Variants in FGF14 observed in about 807,000 individuals in gnomAD.
The protein encoded by FGF14 is fibroblast growth factor 14.
Under a neutral mutation model 25.5 loss-of-function variants are expected in FGF14, and 5 were observed. That is an observed-to-expected ratio of 0.20 (90% CI 0.10 to 0.41). The LOEUF (loss-of-function observed/expected upper bound fraction) is 0.41. FGF14 is among the 10% of genes least tolerant of loss of function. FGF14 has a pLI of 1.00. For synonymous variants in FGF14, 138 were observed against 118.3 expected, an observed-to-expected ratio of 1.17 and a Z score of -1.08; for missense variants, 222 against 320.1, an observed-to-expected ratio of 0.69 and a Z score of 2.34.
rs199934657 is a variant in FGF14, at chr13:102,120,766, C to T, written c.209-245470G>A. Among the ~76,000 whole-genome samples the T allele has an allele frequency of 1.1e-4, 16 of 150,284 alleles. No homozygotes were observed. In the East Asian group the frequency reaches 1.8e-3, roughly 17 times the overall value. On this transcript the variant is annotated intron_variant, in intron 1 of 4. Transcript: ENST00000376131. ...CCGCCCAGGCTGGAGTGCAGTGACACGATCTCAGCTCACTGCAACCACCAC... is the reference window on the plus strand; with the variant it reads ...CCGCCCAGGCTGGAGTGCAGTGACATGATCTCAGCTCACTGCAACCACCAC...
At chr13:102,366,642 A>AAAAAC (rs1360420600) in intron 1 of FGF14, 1 of 150,334 alleles carries the variant, frequency 6.7e-6, no homozygotes, top group African/African-American at 2.5e-5. Context: ...AAAAAAAAAA[A>AAAAAC]GCGGTTACTT....
chr13:101,889,894 T>C (rs997497032), intron 1 of FGF14, among the ~76,000 whole-genome samples: 3 of 152,208 alleles, frequency 2.0e-5, no homozygotes, highest in Admixed American at 6.6e-5. Context: ...TTCATCTTTA[T>C]TCAAATGATT....
intron 3 of FGF14, among the ~76,000 whole-genome samples, chr13:101,791,301 G>A (rs547596447): frequency 6.6e-6 from 1 of 152,234 alleles, no homozygotes; most frequent in African/African-American, 2.4e-5. Context: ...ATTTTGGGGT[G>A]TGAAGCATTG....
At chr13:102,303,796 T>C (rs770952131) in intron 1 of FGF14, among the ~76,000 whole-genome samples, 3 of 152,186 alleles carry the variant, frequency 2.0e-5, no homozygotes, top group Non-Finnish European at 4.4e-5. Flanking sequence ...ATGACCTTAG[T>C]GTACATTAAA....
chr13:101,786,108 A>G (rs2039808972), intron 3 of FGF14, among the ~76,000 whole-genome samples: 1 of 152,238 alleles, frequency 6.6e-6, no homozygotes, highest in Middle Eastern at 3.4e-3. Flanking sequence ...AACCACCACC[A>G]AAGTGCCCAC....
chr13:101,811,421 C>T (rs1442060134), intron 3 of FGF14, among the ~76,000 whole-genome samples: 1 of 152,112 alleles, frequency 6.6e-6, no homozygotes, highest in Non-Finnish European at 1.5e-5. Flanking sequence ...AACATTCTTC[C>T]ATGTCTTTTT....
intron 1 of FGF14, among the ~76,000 whole-genome samples, chr13:102,168,190 A>T (rs66481448): frequency 2.5e-4 from 38 of 152,128 alleles, no homozygotes; most frequent in African/African-American, 8.7e-4. Flanking sequence ...ATTAATAGAA[A>T]CCACGTGCTT....
At position 101,946,072 on chromosome 13, in the gene FGF14, T is replaced by C. The variant is rs74375199; in HGVS notation, c.209-70776A>G. 9.5e-3 allele frequency among the ~76,000 whole-genome samples: 1,444 copies of C among 152,334 alleles called. 24 individuals are homozygous for C. The highest frequency in any genetic ancestry group is 0.032 in the African/African-American group (1,348 of 41,562). ...TTCTCATTTCCCTTATTCAAACTAA[T>C]ATCCATGCTAATCTTTTATACCTTG... On this transcript the variant is annotated intron_variant, in intron 1 of 4. Coordinates refer to the FGF14 transcript ENST00000376131.
intron 1 of FGF14, among the ~76,000 whole-genome samples, chr13:101,939,637 T>A (rs1264948980): frequency 6.6e-6 from 1 of 152,172 alleles, no homozygotes; most frequent in East Asian, 1.9e-4. Flanking sequence ...TCTGTAAAAA[T>A]CTCACCAATG....
rs753147739 is a variant in FGF14, at chr13:102,374,644, T to A, written c.208+26827A>T. 4.6e-3 allele frequency among the ~76,000 whole-genome samples: 225 copies of A among 49,326 alleles called. 3 individuals are homozygous for A. Among genetic ancestry groups the A allele is most frequent in the Admixed American group, 0.013 (47 of 3,612 alleles). 32.4% of individuals were successfully genotyped at this position (49,326 alleles called of 152,430 possible). A position where few individuals can be genotyped will look rare whatever the true frequency, so the allele number is the denominator to read the frequency against. On this transcript the variant is annotated intron_variant, in intron 1 of 4. Transcript: ENST00000376131. ...TTTTTTAATACATATCTTACATATT[T>A]TATATATATATATATATATATATAT...
At chr13:102,358,720 G>A (rs1178837327) in intron 1 of FGF14, among the ~76,000 whole-genome samples, 17 of 152,208 alleles carry the variant, frequency 1.1e-4, no homozygotes, top group Non-Finnish European at 1.5e-5. Context: ...TGAAGATATT[G>A]GAAAGGTTGC....
At chr13:102,340,637 A>G (rs1325085490) in intron 1 of FGF14, among the ~76,000 whole-genome samples, 1 of 152,214 alleles carries the variant, frequency 6.6e-6, no homozygotes, top group Admixed American at 6.5e-5. Context: ...AACTAGAATG[A>G]CCTTTAAATA....
At chr13:102,207,645 AAG>A (rs2049989890) in intron 1 of FGF14, among the ~76,000 whole-genome samples, 1 of 150,556 alleles carries the variant, frequency 6.6e-6, no homozygotes. Context: ...AAAAAAAAAA[AAG>A]ACAGTGTTTA....
At chr13:102,074,067 C>A (rs897745176) in intron 1 of FGF14, among the ~76,000 whole-genome samples, 2 of 152,166 alleles carry the variant, frequency 1.3e-5, no homozygotes, top group African/African-American at 4.8e-5. Context: ...GTGTGGAGTA[C>A]AGTGGTGTAT....
intron 3 of FGF14, among the ~76,000 whole-genome samples, chr13:101,810,732 A>G (rs1216908783): frequency 6.6e-6 from 1 of 152,152 alleles, no homozygotes; most frequent in Non-Finnish European, 1.5e-5. Context: ...CTGATTCACA[A>G]TCCATTTCTA....
chr13:102,401,698 C>T (rs944360080), exon 1 of FGF14: 2 of 1,600,854 alleles, frequency 1.2e-6, no homozygotes, highest in Non-Finnish European at 1.7e-6. Context: ...GATAATATTC[C>T]GGATCTTCTC....
chr13:102,141,881 C>T (rs572245973), intron 1 of FGF14, among the ~76,000 whole-genome samples: 2 of 152,284 alleles, frequency 1.3e-5, no homozygotes, highest in African/African-American at 4.8e-5. Flanking sequence ...TATTTTGGAA[C>T]GGTGACTGAG....
intron 1 of FGF14, chr13:102,292,578 C>T (rs1376383220): frequency 3.9e-5 from 6 of 152,174 alleles, no homozygotes; most frequent in Non-Finnish European, 7.3e-5. Flanking sequence ...GCTTTTCCTT[C>T]AGGGTTTTGG....
chr13:102,154,047 A>G (rs1413465983), intron 1 of FGF14, among the ~76,000 whole-genome samples: 1 of 152,200 alleles, frequency 6.6e-6, no homozygotes, highest in East Asian at 1.9e-4. Context: ...AGTATCTCTG[A>G]GTTTAGCTCG....
Sources: allele counts gnomAD v4.1 joint callset (sites outside exome capture counted in the v4.1 genomes callset), GRCh38; gene constraint gnomAD v4.1.1; transcripts MANE v1.5; gene names NCBI Gene and HGNC (gene_info 2026-07-23, HGNC 2026-07-21).